The following TANC2 variants were observed in gnomAD, a reference collection of about 807,000 sequenced individuals.
The protein encoded by TANC2 is protein TANC2.
TANC2 carries 26 observed loss-of-function variants against 210.5 expected under a neutral mutation model. That is an observed-to-expected ratio of 0.12 (90% CI 0.09 to 0.17). The LOEUF (loss-of-function observed/expected upper bound fraction) is 0.17. Ranked by LOEUF, TANC2 falls within the 10% of genes least tolerant of loss-of-function variation. The pLI is 1.00. For synonymous variants in TANC2, 931 were observed against 967.1 expected (o/e 0.96, Z 0.69); for missense variants, 2,129 against 2,608.9 (o/e 0.82, Z 4.01).
chr17:63,353,908 A>G (rs1293215641), intron 13 of TANC2, among the ~76,000 whole-genome samples: 3 of 152,142 alleles, frequency 2.0e-5, no homozygotes, highest in Non-Finnish European at 4.4e-5. Context: ...GAACCATTTC[A>G]GTGAGGTGGT....
chr17:63,172,231 G>A (rs1160019419), intron 5 of TANC2, among the ~76,000 whole-genome samples: 1 of 137,534 alleles, frequency 7.3e-6, no homozygotes, highest in Non-Finnish European at 1.5e-5. Flanking sequence ...CACTCTTGTT[G>A]CTCAGGCTGG....
chr17:62,971,803 G>A (rs2031711708), intron 1 of TANC2, among the ~76,000 whole-genome samples: 1 of 152,162 alleles, frequency 6.6e-6, no homozygotes. Flanking sequence ...GAACCCTATT[G>A]TGAACTGCTC....
chr17:63,291,951 G>T (rs908004455), intron 9 of TANC2, among the ~76,000 whole-genome samples: 21 of 152,304 alleles, frequency 1.4e-4, no homozygotes, highest in African/African-American at 5.1e-4. Context: ...GAAATTATGG[G>T]TAAGTCCCAA....
intron 5 of TANC2, among the ~76,000 whole-genome samples, chr17:63,181,981 C>T (rs909047770): frequency 3.3e-5 from 5 of 151,998 alleles, no homozygotes; most frequent in African/African-American, 1.2e-4. Flanking sequence ...AAGTTGAGAA[C>T]TTGTGTTCTG....
intron 4 of TANC2, chr17:63,148,701 CTTCTTTT>C (rs2039545450): frequency 6.6e-6 from 1 of 152,158 alleles, no homozygotes; most frequent in Non-Finnish European, 1.5e-5. Flanking sequence ...CACTTTCTTT[CTTCTTTT>C]AACTATCAGA....
chr17:63,053,629 A>G (rs1307806058), intron 2 of TANC2, among the ~76,000 whole-genome samples: 1 of 152,150 alleles, frequency 6.6e-6, no homozygotes, highest in Non-Finnish European at 1.5e-5. Context: ...GGATTTATTT[A>G]CTAATGATTT....
chr17:63,208,880 TA>T (rs2041800330), intron 7 of TANC2, among the ~76,000 whole-genome samples: 1 of 152,192 alleles, frequency 6.6e-6, no homozygotes, highest in South Asian at 2.1e-4. Context: ...TCTTATTAAA[TA>T]ATTTATAGTT....
chr17:63,398,023 G>A lies in TANC2; in HGVS notation c.3238-798G>A, dbSNP rs184630591. 7.4e-4 allele frequency among the ~76,000 whole-genome samples: 113 copies of A among 152,274 alleles called. 1 individual carries two copies. Among genetic ancestry groups the A allele is most frequent in the African/African-American group, 2.5e-3 (105 of 41,552 alleles). ...ATCATCTGTGGGAGGTTTTTGAACC[G>A]TGTTCAGTCAAATTCCCAGAAACAG... On this transcript the variant is annotated intron_variant, in intron 18 of 27. Transcript: ENST00000689528.
chr17:63,000,680 G>A (rs2033331910), intron 1 of TANC2, among the ~76,000 whole-genome samples: 1 of 152,182 alleles, frequency 6.6e-6, no homozygotes, highest in African/African-American at 2.4e-5. Context: ...ACTTGCCAGG[G>A]ATGTATCTGA....
At chr17:62,979,782 A>T (rs1355055222) in intron 1 of TANC2, among the ~76,000 whole-genome samples, 1 of 152,184 alleles carries the variant, frequency 6.6e-6, no homozygotes, top group Non-Finnish European at 1.5e-5. Flanking sequence ...GTGGTGGCAC[A>T]TGCCTGTGGT....
chr17:62,973,037 T>G (rs941339786), intron 1 of TANC2, among the ~76,000 whole-genome samples: 26 of 151,938 alleles, frequency 1.7e-4, no homozygotes, highest in Non-Finnish European at 3.4e-4. Flanking sequence ...CGCATTTTTT[T>G]TTTTTTTTTT....
At chr17:63,075,239 A>G (rs2036529852) in intron 3 of TANC2, among the ~76,000 whole-genome samples, 1 of 152,198 alleles carries the variant, frequency 6.6e-6, no homozygotes, top group South Asian at 2.1e-4. Flanking sequence ...TAATTATTAA[A>G]TGTCAAATTT....
chr17:63,338,645 A>G (rs2046118255), intron 11 of TANC2, among the ~76,000 whole-genome samples: 1 of 152,248 alleles, frequency 6.6e-6, no homozygotes, highest in Non-Finnish European at 1.5e-5. Context: ...TTTAAGATAG[A>G]TAAAATACAG....
chr17:62,974,723 A>G (rs1568287873), intron 1 of TANC2, among the ~76,000 whole-genome samples: 2 of 152,176 alleles, frequency 1.3e-5, no homozygotes, highest in Non-Finnish European at 2.9e-5. Context: ...TATGTACCAT[A>G]CTATTAATAT....
intron 10 of TANC2, among the ~76,000 whole-genome samples, chr17:63,315,753 T>G (rs1454167344): frequency 6.6e-6 from 1 of 152,218 alleles, no homozygotes; most frequent in Non-Finnish European, 1.5e-5. Context: ...TCCAAACTTA[T>G]TGACTTCCTA....
At chr17:63,298,177 A>G (rs192874452) in intron 9 of TANC2, among the ~76,000 whole-genome samples, 6 of 152,340 alleles carry the variant, frequency 3.9e-5, no homozygotes, top group African/African-American at 9.6e-5. Context: ...TAGAATTGCT[A>G]TATGATCCAG....
exon 28 of TANC2, chr17:63,427,560 T>C (rs2049173436): frequency 1.3e-5 from 2 of 152,288 alleles, no homozygotes; most frequent in African/African-American, 4.8e-5. Context: ...TTTTATTGTC[T>C]GTACATGTGA....
rs568915418 is a variant in TANC2 at position 62,994,530 on chromosome 17, T to A, written c.-23-15007T>A. Among the ~76,000 whole-genome samples the A allele has an allele frequency of 2.6e-5, 4 of 152,042 alleles. No individual in the cohort carries two copies. In the South Asian group the frequency reaches 8.3e-4, roughly 31 times the overall value. ...TTATCAGACTGAGGATGTTTCTTTC[T>A]ATTTCTAGTATGTTGAGTATTTCTT... On this transcript the variant is annotated intron_variant, in intron 1 of 27. Transcript: ENST00000689528.
intron 3 of TANC2, among the ~76,000 whole-genome samples, chr17:63,097,117 T>A (rs2037417124): frequency 6.6e-6 from 1 of 151,870 alleles, no homozygotes; most frequent in Admixed American, 6.6e-5. Context: ...CATGGCTCAC[T>A]GCAGCCTCAA....
Sources: allele counts gnomAD v4.1 joint callset (sites outside exome capture counted in the v4.1 genomes callset), GRCh38; gene constraint gnomAD v4.1.1; transcripts MANE v1.5; gene names NCBI Gene and HGNC (gene_info 2026-07-23, HGNC 2026-07-21).